Variants in RBFOX1 observed in about 807,000 individuals in gnomAD.
RBFOX1 encodes the protein RNA binding fox-1 homolog 1.
In RBFOX1, 8 loss-of-function variants were observed where a neutral mutation model predicts 57.7. The observed-to-expected ratio is 0.14, with a 90% CI of 0.08 to 0.25. The LOEUF (loss-of-function observed/expected upper bound fraction) is 0.25, where lower values mean the gene tolerates loss of function less well. Ranked by LOEUF, RBFOX1 falls within the 10% of genes least tolerant of loss-of-function variation. RBFOX1 has a pLI of 1.00. For synonymous variants in RBFOX1, 326 were observed against 222.4 expected, an observed-to-expected ratio of 1.47 and a Z score of -4.15; for missense variants, 611 against 548.5, an observed-to-expected ratio of 1.11 and a Z score of -1.14.
intron 1 of RBFOX1, among the ~76,000 whole-genome samples, chr16:6,180,261 T>A (rs2097052274): frequency 6.6e-6 from 1 of 151,686 alleles, no homozygotes; most frequent in South Asian, 2.1e-4. Context: ...TGGGTTTTTC[T>A]TTATGTGAAG....
At chr16:7,021,786 C>G (rs184527551) in intron 3 of RBFOX1, among the ~76,000 whole-genome samples, 1 of 150,850 alleles carries the variant, frequency 6.6e-6, no homozygotes, top group Non-Finnish European at 1.5e-5. Context: ...GTACTATATA[C>G]CAGGCATGCT....
intron 3 of RBFOX1, among the ~76,000 whole-genome samples, chr16:5,852,717 C>T (rs538042737): frequency 6.6e-6 from 1 of 152,192 alleles, no homozygotes; most frequent in Admixed American, 6.5e-5. Context: ...ATAATCCCAG[C>T]ACTTTGGGAG....
At chr16:6,896,726 C>G (rs150125600) in intron 3 of RBFOX1, among the ~76,000 whole-genome samples, 25 of 152,264 alleles carry the variant, frequency 1.6e-4, no homozygotes, top group African/African-American at 5.1e-4. Context: ...AAATTATGCT[C>G]TATGAATGCG....
intron 1 of RBFOX1, among the ~76,000 whole-genome samples, chr16:5,250,653 C>T (rs543761109): frequency 6.8e-4 from 103 of 152,294 alleles, no homozygotes; most frequent in African/African-American, 2.3e-3. Flanking sequence ...CTTCGGAAAG[C>T]CTGCTTTTCA....
At position 6,861,823 on chromosome 16, in the gene RBFOX1, G is replaced by GTTTTT. The variant is rs35138717; in HGVS notation, c.-15-190217_-15-190213dup. On this transcript the variant is annotated intron_variant, in intron 3 of 15. Transcript: ENST00000550418. ...CCTCTTTCCTAGCCAGCGTCCCTTG[G>GTTTTT]TTTTTTTTTTTTTTTTTTTTTGGTT... 2.3e-3 allele frequency among the ~76,000 whole-genome samples: 208 copies of GTTTTT among 92,442 alleles called. 1 individual carries two copies. The highest frequency in any genetic ancestry group is 8.5e-3 in the African/African-American group (198 of 23,328). The allele number at this position is 92,442 out of a possible 152,430, so 60.6% of individuals were successfully genotyped here. A position where few individuals can be genotyped will look rare whatever the true frequency, so the allele number is the denominator to read the frequency against.
intron 4 of RBFOX1, among the ~76,000 whole-genome samples, chr16:7,253,758 C>T (rs958232397): frequency 6.6e-6 from 1 of 152,160 alleles, no homozygotes; most frequent in African/African-American, 2.4e-5. Flanking sequence ...TCGTTACTTA[C>T]CTTGCTGCCT....
At chr16:6,139,391 C>G (rs547290572) in intron 1 of RBFOX1, among the ~76,000 whole-genome samples, 79 of 152,302 alleles carry the variant, frequency 5.2e-4, no homozygotes, top group African/African-American at 1.9e-3. Context: ...GCCCAAGTCA[C>G]TTTCTCCATG....
intron 2 of RBFOX1, among the ~76,000 whole-genome samples, chr16:6,640,158 G>C (rs1360938956): frequency 1.3e-5 from 2 of 152,092 alleles, no homozygotes; most frequent in Non-Finnish European, 2.9e-5. Context: ...CACATCTACA[G>C]GTGAAATTCA....
rs900607723 is a variant in RBFOX1, at chr16:6,947,602, C to T, written c.-15-104455C>T. On this transcript the variant is annotated intron_variant, in intron 3 of 15. Transcript: ENST00000550418. Reference sequence around the variant, plus strand: ...TTGCAGCTTGCTGCCTCCTGCCTTGCGTAGAAGGAAAACTGTTCCTGGTTC... The same window carrying T: ...TTGCAGCTTGCTGCCTCCTGCCTTGTGTAGAAGGAAAACTGTTCCTGGTTC... Among the ~76,000 whole-genome samples, 7 of 152,178 alleles carry T rather than the reference C, an allele frequency of 4.6e-5. No individual in the cohort carries two copies. The East Asian group carries it at 5.8e-4, about 13-fold the overall frequency.
chr16:5,952,839 C>G (rs189037521), intron 4 of RBFOX1, among the ~76,000 whole-genome samples: 3 of 152,192 alleles, frequency 2.0e-5, no homozygotes, highest in African/African-American at 7.2e-5. Flanking sequence ...CAGAGTAACC[C>G]GAGACTTGGT....
intron 3 of RBFOX1, among the ~76,000 whole-genome samples, chr16:6,890,251 G>C (rs906684992): frequency 6.6e-6 from 1 of 152,180 alleles, no homozygotes; most frequent in Non-Finnish European, 1.5e-5. Flanking sequence ...GGGCATGGTA[G>C]CTCATGCCTG....
intron 4 of RBFOX1, among the ~76,000 whole-genome samples, chr16:5,906,238 A>G (rs1323019199): frequency 6.6e-6 from 1 of 152,190 alleles, no homozygotes; most frequent in Non-Finnish European, 1.5e-5. Context: ...ACAATTAGTT[A>G]AGCTGAGGTC....
At chr16:5,890,296 C>T (rs1446379583) in intron 4 of RBFOX1, among the ~76,000 whole-genome samples, 1 of 152,182 alleles carries the variant, frequency 6.6e-6, no homozygotes, top group Non-Finnish European at 1.5e-5. Context: ...GTGCCTCTTT[C>T]ATGTTGACTG....
At chr16:7,205,441 C>T (rs1250322492) in intron 4 of RBFOX1, among the ~76,000 whole-genome samples, 1 of 150,858 alleles carries the variant, frequency 6.6e-6, no homozygotes, top group Non-Finnish European at 1.5e-5. Context: ...TGGCTTGAAC[C>T]CAGGAGGTGG....
chr16:7,334,606 G>T lies in RBFOX1; in HGVS notation c.28-183541G>T, dbSNP rs117692183. On this transcript the variant is annotated intron_variant, in intron 4 of 15. Coordinates refer to ENST00000550418, the MANE Select transcript of RBFOX1 (RefSeq NM_018723.4). ...AAGTGCCGGTGTAGGAAAAATAACGGCACCCACTGAAATGGGTGAATGTAA... is the reference window on the plus strand; with the variant it reads ...AAGTGCCGGTGTAGGAAAAATAACGTCACCCACTGAAATGGGTGAATGTAA... Among the ~76,000 whole-genome samples the T allele has an allele frequency of 3.8e-3, 581 of 152,258 alleles. 3 individuals are homozygous for T. Among genetic ancestry groups the T allele is most frequent in the Non-Finnish European group, 6.4e-3 (432 of 68,026 alleles).
chr16:5,772,245 G>A (rs747335433), intron 3 of RBFOX1, among the ~76,000 whole-genome samples: 5 of 152,154 alleles, frequency 3.3e-5, no homozygotes, highest in Admixed American at 6.5e-5. Flanking sequence ...ACCGGTTGCC[G>A]GAAGAAGAGC....
At chr16:6,569,139 T>A (rs1291021736) in intron 2 of RBFOX1, among the ~76,000 whole-genome samples, 1 of 152,242 alleles carries the variant, frequency 6.6e-6, no homozygotes, top group Non-Finnish European at 1.5e-5. Context: ...TTGATATCCA[T>A]GTAAACTGAG....
chr16:7,071,468 A>G (rs987149875), intron 4 of RBFOX1, among the ~76,000 whole-genome samples: 7 of 152,078 alleles, frequency 4.6e-5, no homozygotes, highest in African/African-American at 7.2e-5. Context: ...TATTACATAC[A>G]TATTATATTT....
At chr16:7,269,436 C>G (rs56745621) in intron 4 of RBFOX1, among the ~76,000 whole-genome samples, 10,650 of 151,968 alleles carry the variant, frequency 0.07, 1,250 homozygotes, top group African/African-American at 0.24. Context: ...TTTGGGGTCT[C>G]TGTGTGTGTG....
Sources: gnomAD v4.1 joint callset for allele counts (sites outside exome capture counted in the v4.1 genomes callset) on GRCh38, gnomAD v4.1.1 for gene constraint, MANE v1.5 for transcripts, NCBI Gene and HGNC (gene_info 2026-07-23, HGNC 2026-07-21) for gene names.